The following ROBO1 variants were observed in gnomAD, a reference collection of about 807,000 sequenced individuals.
The protein encoded by ROBO1 is roundabout guidance receptor 1.
Under a neutral mutation model 195.9 loss-of-function variants are expected in ROBO1, and 149 were observed. The observed-to-expected ratio is 0.76, with a 90% CI of 0.67 to 0.87. The LOEUF is 0.87. ROBO1 is among the 40% of genes least tolerant of loss of function. The probability of loss-of-function intolerance (pLI) is 0.00; values close to 1 mark genes in which losing one functional copy is unlikely to be tolerated. For synonymous variants in ROBO1, 816 were observed against 733.2 expected, an observed-to-expected ratio of 1.11 and a Z score of -1.82; for missense variants, 1,933 against 2,068.3, an observed-to-expected ratio of 0.93 and a Z score of 1.27.
At chr3:79,026,666 C>G (rs987410260) in intron 3 of ROBO1, among the ~76,000 whole-genome samples, 1 of 151,872 alleles carries the variant, frequency 6.6e-6, no homozygotes, top group Admixed American at 6.6e-5. Context: ...TACATCTCAC[C>G]ATGGGATTTG....
chr3:79,159,895 T>A (rs2080925002), intron 2 of ROBO1, among the ~76,000 whole-genome samples: 1 of 152,018 alleles, frequency 6.6e-6, no homozygotes, highest in Non-Finnish European at 1.5e-5. Context: ...TACTAAGCTT[T>A]CTGGAAAAGA....
Position 78,853,703 on chromosome 3 carries a change from C to T in ROBO1, c.499+84898G>A, listed in dbSNP as rs2034224503. Among the ~76,000 whole-genome samples, 4 of 152,042 alleles carry T rather than the reference C, an allele frequency of 2.6e-5. No homozygotes were observed. The South Asian group carries it at 6.2e-4, about 24-fold the overall frequency. On this transcript the variant is annotated intron_variant, in intron 4 of 30. Transcript: ENST00000464233. ...TGAACGCTGTATTAGTCCATTTTCA[C>T]GCTGCTGATAAAGACATACCTGAGA...
intron 1 of ROBO1, among the ~76,000 whole-genome samples, chr3:79,732,355 A>C (rs181116183): frequency 6.9e-6 from 1 of 145,872 alleles, no homozygotes; most frequent in African/African-American, 2.5e-5. Flanking sequence ...AATTTAAAAA[A>C]GATATTAATA....
chr3:78,832,603 C>T (rs1319966247), intron 4 of ROBO1, among the ~76,000 whole-genome samples: 1 of 152,072 alleles, frequency 6.6e-6, no homozygotes, highest in Non-Finnish European at 1.5e-5. Flanking sequence ...GACACAAAGA[C>T]AAATAGGATG....
At chr3:79,582,206 G>T (rs1002510596) in intron 2 of ROBO1, among the ~76,000 whole-genome samples, 1 of 151,434 alleles carries the variant, frequency 6.6e-6, no homozygotes, top group African/African-American at 2.4e-5. Context: ...TATAATCTAT[G>T]ATATTTATAT....
chr3:78,811,827 G>C (rs529213703), intron 4 of ROBO1, among the ~76,000 whole-genome samples: 2 of 151,970 alleles, frequency 1.3e-5, no homozygotes, highest in African/African-American at 4.8e-5. Flanking sequence ...TCTCTATCTC[G>C]TTTCTTCCCA....
intron 2 of ROBO1, among the ~76,000 whole-genome samples, chr3:79,519,811 C>A (rs909986557): frequency 1.3e-5 from 2 of 151,750 alleles, no homozygotes; most frequent in Non-Finnish European, 2.9e-5. Context: ...CTCCTCTAGG[C>A]AAAGGTAGGC....
intron 4 of ROBO1, among the ~76,000 whole-genome samples, chr3:78,886,983 C>A (rs767171749): frequency 5.3e-5 from 8 of 152,142 alleles, no homozygotes; most frequent in African/African-American, 1.9e-4. Flanking sequence ...TAGCTATACA[C>A]CTTTAGTTAT....
chr3:79,700,818 GT>G (rs1947601398), intron 1 of ROBO1, among the ~76,000 whole-genome samples: 1 of 151,682 alleles, frequency 6.6e-6, no homozygotes, highest in Non-Finnish European at 1.5e-5. Context: ...CATTCTGTGG[GT>G]TGTCCGTTAA....
intron 2 of ROBO1, among the ~76,000 whole-genome samples, chr3:79,460,778 C>T (rs1937605932): frequency 6.6e-6 from 1 of 151,942 alleles, no homozygotes; most frequent in Admixed American, 6.6e-5. Context: ...GACGGAGTCT[C>T]GCTCTGTCGC....
chr3:79,322,764 T>C (rs1259272890), intron 2 of ROBO1, among the ~76,000 whole-genome samples: 1 of 152,202 alleles, frequency 6.6e-6, no homozygotes, highest in Non-Finnish European at 1.5e-5. Flanking sequence ...ATATAACGGG[T>C]ATTCAACAAA....
In ROBO1 at chr3:78,689,097, C is replaced by G. The variant is rs137887473; in HGVS notation, c.1046-325G>C. On this transcript the variant is annotated intron_variant, in intron 8 of 30. Coordinates refer to ENST00000464233, the MANE Select transcript of ROBO1 (RefSeq NM_002941.4). Reference sequence around the variant, plus strand: ...TTTATGAACAAATATTATCTTTTCTCCTTTAGATCTGCTTAAAGGTGAATG... The same window carrying G: ...TTTATGAACAAATATTATCTTTTCTGCTTTAGATCTGCTTAAAGGTGAATG... Among the ~76,000 whole-genome samples, 47 of 152,240 alleles carry G rather than the reference C, an allele frequency of 3.1e-4. 1 individual carries two copies. In the East Asian group the frequency reaches 8.9e-3, roughly 29 times the overall value.
At chr3:78,720,952 G>GGC (rs2082028697) in intron 5 of ROBO1, among the ~76,000 whole-genome samples, 2 of 147,136 alleles carry the variant, frequency 1.4e-5, no homozygotes, top group African/African-American at 2.6e-5. Flanking sequence ...TGTGGGGTTG[G>GGC]GGGGGGGGCG....
chr3:79,387,275 A>C (rs543050552), intron 2 of ROBO1, among the ~76,000 whole-genome samples: 2 of 152,222 alleles, frequency 1.3e-5, no homozygotes, highest in East Asian at 3.9e-4. Context: ...CAGTAGCAAA[A>C]AATTTGTAGC....
At chr3:78,964,954 C>T (rs543137473) in intron 3 of ROBO1, among the ~76,000 whole-genome samples, 287 of 151,714 alleles carry the variant, frequency 1.9e-3, no homozygotes, top group Non-Finnish European at 3.5e-3. Context: ...AGGCATGAGC[C>T]ACTGCGCCCA....
intron 2 of ROBO1, among the ~76,000 whole-genome samples, chr3:79,558,370 T>G (rs1180899746): frequency 1.3e-5 from 2 of 152,214 alleles, no homozygotes; most frequent in Non-Finnish European, 2.9e-5. Flanking sequence ...TCTTACGACA[T>G]TCTTAATAGC....
At chr3:79,466,038 A>G (rs1463199185) in intron 2 of ROBO1, among the ~76,000 whole-genome samples, 1 of 152,022 alleles carries the variant, frequency 6.6e-6, no homozygotes, top group Non-Finnish European at 1.5e-5. Flanking sequence ...CTTTAAAAAA[A>G]AAAACACTGT....
At chr3:78,950,743 C>T (rs937813288) in intron 3 of ROBO1, among the ~76,000 whole-genome samples, 1 of 151,210 alleles carries the variant, frequency 6.6e-6, no homozygotes, top group African/African-American at 2.4e-5. Flanking sequence ...CTCTGTTGTG[C>T]TTTCCCCATG....
intron 27 of ROBO1, among the ~76,000 whole-genome samples, chr3:78,616,995 C>T (rs967288919): frequency 2.0e-5 from 3 of 152,068 alleles, no homozygotes; most frequent in Non-Finnish European, 4.4e-5. Context: ...CTTGCTCTCC[C>T]AATTATTATA....
Sources: gnomAD v4.1 joint callset for allele counts (sites outside exome capture counted in the v4.1 genomes callset) on GRCh38, gnomAD v4.1.1 for gene constraint, MANE v1.5 for transcripts, NCBI Gene and HGNC (gene_info 2026-07-23, HGNC 2026-07-21) for gene names.